GSTM2: variants seen among roughly 807,000 people sequenced by gnomAD.
The protein encoded by GSTM2 is GST class-mu 2.
In GSTM2, 33 loss-of-function variants were observed where a neutral mutation model predicts 33.3. That is an observed-to-expected ratio of 0.99 (90% CI 0.75 to 1.33). The LOEUF is 1.33. Among genes scored for constraint, GSTM2 ranks in the 40% most tolerant of loss-of-function variants. GSTM2 has a pLI of 0.00. For missense variants in GSTM2, 213 were observed against 265.8 expected, an observed-to-expected ratio of 0.80 and a Z score of 1.38; for synonymous variants, 93 against 95.6, an observed-to-expected ratio of 0.97 and a Z score of 0.16.
chr1:109,668,773 C>A, intron 2 of GSTM2, 152 bp from the exon 3 acceptor site: 1 of 1,005,006 alleles, frequency 1.0e-6, no homozygotes, highest in Non-Finnish European at 1.5e-6. Context: ...CACTGGAATT[C>A]TTTTTCTCTG....
chr1:109,671,236 C>T (rs1207704673), intron 5 of GSTM2, 51 bp from the exon 6 acceptor site: 2 of 1,335,824 alleles, frequency 1.5e-6, no homozygotes, highest in East Asian at 4.6e-5. Flanking sequence ...GAGGCCGCAT[C>T]TGTGCAGGGA....
At chr1:109,679,485 GA>G (rs544179992), downstream of GSTM2, among the ~76,000 whole-genome samples, 61 of 151,986 alleles carry the variant, frequency 4.0e-4, 1 homozygote, top group African/African-American at 1.4e-3. Flanking sequence ...CTCAAAAAAA[GA>G]AAAAAAGAAT....
At chr1:109,672,545 G>A (rs676828) in intron 7 of GSTM2, among the ~76,000 whole-genome samples, 2 of 151,512 alleles carry the variant, frequency 1.3e-5, no homozygotes, top group African/African-American at 2.4e-5. Flanking sequence ...AGGGCTCTCC[G>A]TTTTGTGACA....
At chr1:109,679,732 T>C (rs1647812218), downstream of GSTM2, among the ~76,000 whole-genome samples, 1 of 152,218 alleles carries the variant, frequency 6.6e-6, no homozygotes, top group Non-Finnish European at 1.5e-5. Context: ...CTTGGTTTCC[T>C]GTGGCATAAT....
intron 7 of GSTM2, among the ~76,000 whole-genome samples, chr1:109,671,838 G>A (rs904748441): frequency 2.0e-5 from 3 of 152,068 alleles, no homozygotes; most frequent in African/African-American, 4.8e-5. Context: ...GGGCGTGGTG[G>A]CGAGCACCTG....
chr1:109,670,294 G>A (rs1149177), intron 5 of GSTM2: 79,577 of 151,278 alleles, frequency 0.53, 21,040 homozygotes, highest in East Asian at 0.69. Context: ...ACAATCCTTT[G>A]GCTAGGCAGA....
Position 109,671,521 on chromosome 1 carries a change from G to A in GSTM2, c.505G>A (p.Val169Ile). ...TTATGATGTCCTTGAGAGAAACCAA[G>A]TATTTGAGCCCAGCTGCCTGGATGC... ...IAYDVLERNQ[V>I]FEPSCLDAFP... Residue 169 changes from valine (V) to isoleucine (I), a missense_variant, in exon 7 of 8, where the codon GTA becomes ATA. Transcript: ENST00000241337. 6.2e-7 allele frequency: 1 copy of A among 1,613,898 alleles called. No individual in the cohort carries two copies. The highest frequency in any genetic ancestry group is 8.5e-7 in the Non-Finnish European group (1 of 1,179,742).
chr1:109,681,539 ATACC>A (rs1221250072), intron 7 of GSTM2, among the ~76,000 whole-genome samples: 1 of 148,902 alleles, frequency 6.7e-6, no homozygotes, highest in Non-Finnish European at 1.5e-5. Flanking sequence ...AGTATCATTA[ATACC>A]TAATAATATG....
chr1:109,671,387 TG>T lies in GSTM2; in HGVS notation c.456+10del, dbSNP rs1269556150. 1 of 1,606,816 alleles carries T rather than the reference TG, an allele frequency of 6.2e-7. No individual in the cohort carries two copies. The highest frequency in any genetic ancestry group is 8.5e-7 in the Non-Finnish European group (1 of 1,173,372). On this transcript the variant is annotated splice_donor_region_variant and intron_variant, in intron 6 of 7. Coordinates refer to ENST00000241337, the MANE Select transcript of GSTM2 (RefSeq NM_000848.4). Reference sequence around the variant, plus strand: ...CCATGGTTTCTTGGGGACAAGGTAATGGGGGCGTGTGATGGGGACACCACAG... The same window carrying T: ...CCATGGTTTCTTGGGGACAAGGTAATGGGGCGTGTGATGGGGACACCACAG...
chr1:109,673,682 C>T (rs534289718), intron 7 of GSTM2, among the ~76,000 whole-genome samples: 35 of 152,306 alleles, frequency 2.3e-4, no homozygotes, highest in African/African-American at 7.5e-4. Flanking sequence ...TCACTGCAAC[C>T]TCCGCTTCCT....
At chr1:109,671,049 T>G in intron 5 of GSTM2, 2 of 528,046 alleles carry the variant, frequency 3.8e-6, no homozygotes, top group Admixed American at 3.1e-5. Context: ...GGGGACAGAT[T>G]TAGGGACAGT....
intron 7 of GSTM2, among the ~76,000 whole-genome samples, chr1:109,674,151 G>A (rs1647639516): frequency 6.6e-6 from 1 of 152,198 alleles, no homozygotes; most frequent in African/African-American, 2.4e-5. Flanking sequence ...TTGGGTGAGT[G>A]TGTTCAGAGC....
chr1:109,673,758 C>T (rs1647623767), intron 7 of GSTM2, among the ~76,000 whole-genome samples: 1 of 152,142 alleles, frequency 6.6e-6, no homozygotes, highest in Non-Finnish European at 1.5e-5. Context: ...GCCACCATGA[C>T]CAGCTAATTT....
Position 109,672,601 on chromosome 1 carries a change from G to A in GSTM2, c.567+1018G>A, listed in dbSNP as rs528082452. Among the ~76,000 whole-genome samples, 4 of 152,306 alleles carry A rather than the reference G, an allele frequency of 2.6e-5. No individual in the cohort carries two copies. The East Asian group carries it at 7.7e-4, about 29-fold the overall frequency. ...GTCCAGCCTGGGTTTCATAGCCCAG[G>A]ACACTTTGGAAGAGGCAGAGCACTT... On this transcript the variant is annotated intron_variant, in intron 7 of 7. Coordinates refer to ENST00000241337, the MANE Select transcript of GSTM2 (RefSeq NM_000848.4).
At chr1:109,670,949 T>C (rs1647515359) in intron 5 of GSTM2, 1 of 234,090 alleles carries the variant, frequency 4.3e-6, no homozygotes, top group Non-Finnish European at 8.4e-6. Flanking sequence ...TTTAGTTCTT[T>C]GCATCCTTGA....
intron 5 of GSTM2, 132 bp downstream of exon 5, chr1:109,669,703 G>C (rs938334644): frequency 1.7e-5 from 11 of 632,928 alleles, no homozygotes; most frequent in Non-Finnish European, 2.9e-5. Context: ...ATGAAGCCGC[G>C]GTCCTACACG....
At chr1:109,668,788 C>G in intron 2 of GSTM2, 137 bp from the exon 3 acceptor site, 1 of 1,063,564 alleles carries the variant, frequency 9.4e-7, no homozygotes, top group Non-Finnish European at 1.4e-6. Context: ...TCTCTGAATC[C>G]TGGGATGTGG....
In GSTM2 at chr1:109,668,158, C is replaced by T. The variant is rs530021; in HGVS notation, c.36+7C>T. 1 of 1,612,066 alleles carries T rather than the reference C, an allele frequency of 6.2e-7. No individual in the cohort carries two copies. ...GTACTGGAACATCCGCGGGGTGAGC[C>T]AGGGTCCGCTGGGCGGTGGGACGGG... On this transcript the variant is annotated splice_region_variant and intron_variant, in intron 1 of 7. Coordinates refer to ENST00000241337, the MANE Select transcript of GSTM2 (RefSeq NM_000848.4).
intron 7 of GSTM2, 44 bp from the exon 8 acceptor site, chr1:109,674,703 G>A: frequency 6.2e-7 from 1 of 1,613,796 alleles, no homozygotes; most frequent in Non-Finnish European, 8.5e-7. Flanking sequence ...CAGCCCTCAT[G>A]GGCAGCTGAC....
Sources: allele counts gnomAD v4.1 joint callset (sites outside exome capture counted in the v4.1 genomes callset), GRCh38; gene constraint gnomAD v4.1.1; transcripts MANE v1.5; gene names NCBI Gene and HGNC (gene_info 2026-07-23, HGNC 2026-07-21).